DAB1: variants seen among roughly 807,000 people sequenced by gnomAD.
DAB1 encodes DAB adaptor protein 1.
In DAB1, 15 loss-of-function variants were observed where a neutral mutation model predicts 64.6. That is an observed-to-expected ratio of 0.23 (90% CI 0.16 to 0.36). The LOEUF is 0.36. DAB1 is among the 10% of genes least tolerant of loss of function. The probability of loss-of-function intolerance (pLI) is 1.00; values close to 1 mark genes in which losing one functional copy is unlikely to be tolerated. For synonymous variants in DAB1, 235 were observed against 251.9 expected (o/e 0.93, Z 0.64); for missense variants, 596 against 706.7 (o/e 0.84, Z 1.78).
chr1:57,221,376 C>A (rs1666858162), intron 2 of DAB1, among the ~76,000 whole-genome samples: 1 of 151,724 alleles, frequency 6.6e-6, no homozygotes, highest in South Asian at 2.1e-4. Flanking sequence ...TGCACATGTA[C>A]CCTAGAACTT....
chr1:58,392,479 G>C (rs891092211), intron 3 of DAB1, among the ~76,000 whole-genome samples: 2 of 151,976 alleles, frequency 1.3e-5, no homozygotes, highest in African/African-American at 4.8e-5. Flanking sequence ...GCCACCTCAG[G>C]GGACTCACCC....
intron 4 of DAB1, among the ~76,000 whole-genome samples, chr1:57,101,294 A>G (rs1205800251): frequency 6.6e-6 from 1 of 152,210 alleles, no homozygotes; most frequent in African/African-American, 2.4e-5. Flanking sequence ...TAGTGATGTA[A>G]TTACTTTGGT....
upstream of DAB1, among the ~76,000 whole-genome samples, chr1:57,888,697 G>A (rs1352610699): frequency 1.3e-5 from 2 of 152,090 alleles, no homozygotes; most frequent in African/African-American, 4.8e-5. Flanking sequence ...ATTGTTCAAA[G>A]AAACAAACCT....
intron 7 of DAB1, among the ~76,000 whole-genome samples, chr1:57,569,575 C>T (rs1645167982): frequency 7.0e-6 from 1 of 143,364 alleles, no homozygotes; most frequent in African/African-American, 2.5e-5. Flanking sequence ...GGAAGAGGAA[C>T]ATCATACACC....
chr1:57,842,029 TC>T (rs1157500167), intron 1 of DAB1, among the ~76,000 whole-genome samples: 1 of 152,240 alleles, frequency 6.6e-6, no homozygotes, highest in African/African-American at 2.4e-5. Context: ...TTGGACCAAT[TC>T]TTTGTGAACA....
intron 5 of DAB1, among the ~76,000 whole-genome samples, chr1:58,120,498 A>G (rs1361952062): frequency 2.0e-5 from 3 of 152,158 alleles, no homozygotes; most frequent in Non-Finnish European, 2.9e-5. Flanking sequence ...GTACATGGGA[A>G]TAATGCTTAC....
chr1:57,422,748 G>T (rs1230805183), intron 1 of DAB1, among the ~76,000 whole-genome samples: 1 of 152,196 alleles, frequency 6.6e-6, no homozygotes, highest in African/African-American at 2.4e-5. Context: ...CACACGGAGT[G>T]AAACGTACAC....
chr1:58,052,018 T>C (rs1043793095), intron 5 of DAB1, among the ~76,000 whole-genome samples: 1 of 152,232 alleles, frequency 6.6e-6, no homozygotes, highest in Non-Finnish European at 1.5e-5. Context: ...GATGGTAGTT[T>C]CTTTTGCCGT....
rs1419015920 is a variant in DAB1, at chr1:57,142,611, C to CACACAT, written c.207+2678_207+2679insATGTGT. On this transcript the variant is annotated intron_variant, in intron 3 of 14. Transcript: ENST00000371236. ...CTTCACTGCAGGTCACACACACACA[C>CACACAT]ACACACACACACACACACATACACA... is the stretch of plus-strand genomic sequence containing the variant. Among the ~76,000 whole-genome samples, 6 of 149,730 alleles carry CACACAT rather than the reference C, an allele frequency of 4.0e-5. No homozygotes were observed. In the East Asian group the frequency reaches 1.2e-3, roughly 29 times the overall value.
chr1:57,231,822 T>C lies in DAB1; in HGVS notation c.67+59142A>G, dbSNP rs374278405. 5.3e-4 allele frequency among the ~76,000 whole-genome samples: 80 copies of C among 152,308 alleles called. 1 individual carries two copies. In the South Asian group the frequency reaches 0.014, roughly 26 times the overall value. On this transcript the variant is annotated intron_variant, in intron 2 of 14. Transcript: ENST00000371236. ...TATATTTGGGGAAAGGGCAGGCAAA[T>C]AGGTACTTTTAGGATAAAGACCCTC... is the stretch of plus-strand genomic sequence containing the variant.
chr1:57,210,398 A>ATT (rs1490726957), intron 2 of DAB1, among the ~76,000 whole-genome samples: 1 of 152,222 alleles, frequency 6.6e-6, no homozygotes, highest in East Asian at 1.9e-4. Flanking sequence ...AAACTCAAAA[A>ATT]TAATGCATAA....
intron 5 of DAB1, among the ~76,000 whole-genome samples, chr1:58,082,513 T>C (rs1277362985): frequency 6.6e-6 from 1 of 151,716 alleles, no homozygotes; most frequent in African/African-American, 2.4e-5. Flanking sequence ...AATTGTAGCA[T>C]AAAGGTAGCT....
chr1:58,313,095 A>T (rs1166119194), intron 4 of DAB1, among the ~76,000 whole-genome samples: 1 of 151,996 alleles, frequency 6.6e-6, no homozygotes, highest in Non-Finnish European at 1.5e-5. Flanking sequence ...CCTGCTGTCC[A>T]CTATGGATTC....
chr1:57,571,953 G>A (rs1260230640), intron 7 of DAB1, among the ~76,000 whole-genome samples: 1 of 152,132 alleles, frequency 6.6e-6, no homozygotes, highest in Non-Finnish European at 1.5e-5. Flanking sequence ...ATTATCCCAT[G>A]GAAGGTGCTT....
At chr1:57,229,196 CTT>C (rs34245893) in intron 2 of DAB1, among the ~76,000 whole-genome samples, 32 of 140,010 alleles carry the variant, frequency 2.3e-4, no homozygotes, top group Middle Eastern at 3.3e-3. Flanking sequence ...ACTTCTTCTT[CTT>C]TTTTTTTTTT....
At chr1:57,500,683 ATTC>A (rs1156340128) in intron 7 of DAB1, among the ~76,000 whole-genome samples, 28 of 152,192 alleles carry the variant, frequency 1.8e-4, no homozygotes, top group Non-Finnish European at 1.5e-5. Flanking sequence ...GGAGAATGTT[ATTC>A]TTAATCAGAC....
chr1:57,629,520 G>T (rs1464949095), intron 7 of DAB1, among the ~76,000 whole-genome samples: 3 of 152,160 alleles, frequency 2.0e-5, no homozygotes, highest in African/African-American at 7.2e-5. Context: ...GAAGAGTTTT[G>T]AAACATGTTA....
At chr1:58,207,073 G>A (rs138311453) in intron 4 of DAB1, among the ~76,000 whole-genome samples, 38 of 152,260 alleles carry the variant, frequency 2.5e-4, no homozygotes, top group East Asian at 9.7e-4. Context: ...TCATCTCAGC[G>A]GAGGCTCCAA....
intron 6 of DAB1, among the ~76,000 whole-genome samples, chr1:57,686,212 T>C (rs1646695916): frequency 6.6e-6 from 1 of 152,182 alleles, no homozygotes; most frequent in South Asian, 2.1e-4. Context: ...ATGACAAAGA[T>C]GACATTACAA....
Sources: gnomAD v4.1 joint callset for allele counts (sites outside exome capture counted in the v4.1 genomes callset) on GRCh38, gnomAD v4.1.1 for gene constraint, MANE v1.5 for transcripts, NCBI Gene and HGNC (gene_info 2026-07-23, HGNC 2026-07-21) for gene names.